The following SDK1 variants were observed in gnomAD, a reference collection of about 807,000 sequenced individuals.
The protein encoded by SDK1 is sidekick cell adhesion molecule 1.
In SDK1, 157 loss-of-function variants were observed where a neutral mutation model predicts 245.5. That is an observed-to-expected ratio of 0.64 (90% CI 0.56 to 0.73). SDK1 has a LOEUF of 0.73. SDK1 is among the 30% of genes least tolerant of loss of function. The pLI is 0.00. For synonymous variants in SDK1, 1,647 were observed against 1,278.5 expected (o/e 1.29, Z -6.15); for missense variants, 3,583 against 3,002.3 (o/e 1.19, Z -4.52).
intron 4 of SDK1, among the ~76,000 whole-genome samples, chr7:3,766,162 A>T (rs1366610829): frequency 6.6e-6 from 1 of 152,188 alleles, no homozygotes; most frequent in Non-Finnish European, 1.5e-5. Flanking sequence ...TTTTTGTGCA[A>T]AATTTGAATA....
intron 4 of SDK1, among the ~76,000 whole-genome samples, chr7:3,789,526 C>G (rs1282093877): frequency 2.6e-5 from 4 of 152,078 alleles, no homozygotes; most frequent in African/African-American, 7.2e-5. Flanking sequence ...TTTAATGGGA[C>G]TTTTTGTGTT....
At chr7:3,555,442 A>C (rs775230626) in intron 1 of SDK1, among the ~76,000 whole-genome samples, 1 of 152,180 alleles carries the variant, frequency 6.6e-6, no homozygotes, top group Non-Finnish European at 1.5e-5. Context: ...TGGATTAAAA[A>C]CTTTAAGATG....
chr7:4,161,409 G>A lies in SDK1; in HGVS notation c.4730-377G>A, dbSNP rs539320073. 1.9e-4 allele frequency among the ~76,000 whole-genome samples: 29 copies of A among 152,154 alleles called. 1 individual carries two copies. In the South Asian group the frequency reaches 6.0e-3, roughly 32 times the overall value. ...TTCAGGAAAAGTAGCTCTCACCTAG[G>A]TATCTTAAAAAAAAGAGAAAAAGAT... On this transcript the variant is annotated intron_variant, in intron 31 of 44. Transcript: ENST00000404826.
intron 1 of SDK1, among the ~76,000 whole-genome samples, chr7:3,589,300 G>A (rs1411895917): frequency 3.3e-5 from 5 of 152,130 alleles, no homozygotes; most frequent in Admixed American, 3.3e-4. Context: ...GTTGGCGTGG[G>A]CCTGTTGACG....
intron 1 of SDK1, among the ~76,000 whole-genome samples, chr7:3,398,344 T>G (rs2128572442): frequency 6.6e-6 from 1 of 152,206 alleles, no homozygotes; most frequent in African/African-American, 2.4e-5. Flanking sequence ...CATTCTATAA[T>G]CTTGTGATAA....
At chr7:3,864,386 AGTT>A (rs1780770606) in intron 5 of SDK1, among the ~76,000 whole-genome samples, 1 of 152,206 alleles carries the variant, frequency 6.6e-6, no homozygotes, top group African/African-American at 2.4e-5. Flanking sequence ...ATATGTTGAT[AGTT>A]GTTGTGGGCA....
At chr7:3,813,921 T>C (rs1384793224) in intron 4 of SDK1, among the ~76,000 whole-genome samples, 1 of 132,768 alleles carries the variant, frequency 7.5e-6, no homozygotes. Context: ...TTTTGAGAAG[T>C]GTCTGTTCAT....
intron 5 of SDK1, among the ~76,000 whole-genome samples, chr7:3,863,013 C>A (rs940152388): frequency 1.3e-5 from 2 of 152,162 alleles, no homozygotes; most frequent in African/African-American, 4.8e-5. Context: ...AGCAGCTCGC[C>A]TCCTGCTGTG....
At chr7:4,230,831 T>C (rs1785714236) in intron 40 of SDK1, among the ~76,000 whole-genome samples, 1 of 152,098 alleles carries the variant, frequency 6.6e-6, no homozygotes. Context: ...GGGGTCAAGG[T>C]TGACCTCAAA....
At chr7:3,639,224 T>C (rs1383348983) in intron 3 of SDK1, 114 bp downstream of exon 3, 2 of 548,634 alleles carry the variant, frequency 3.6e-6, no homozygotes, top group African/African-American at 3.8e-5. Context: ...TGGTTCTATT[T>C]TGAGTAGAAT....
chr7:3,538,772 G>A (rs1294494751), intron 1 of SDK1, among the ~76,000 whole-genome samples: 2 of 152,188 alleles, frequency 1.3e-5, no homozygotes, highest in Non-Finnish European at 2.9e-5. Flanking sequence ...GGGGCAGAAA[G>A]GCCCATTCAG....
intron 22 of SDK1, among the ~76,000 whole-genome samples, chr7:4,081,852 T>G (rs1339995373): frequency 6.6e-6 from 1 of 152,152 alleles, no homozygotes; most frequent in African/African-American, 2.4e-5. Flanking sequence ...ATCCCTGGTT[T>G]TTTATTGGCG....
rs531424366 is a variant in SDK1 at position 4,053,104 on chromosome 7, A to G, written c.2911+1274A>G. On this transcript the variant is annotated intron_variant, in intron 19 of 44. Transcript: ENST00000404826. ...TCTGTCTCAAAAAAAAAAAAAAAAA[A>G]AAAATTAGGAAAATTATTTTTTAAG... 5.3e-5 allele frequency among the ~76,000 whole-genome samples: 8 copies of G among 151,916 alleles called. No individual in the cohort carries two copies. In the East Asian group the frequency reaches 1.2e-3, roughly 22 times the overall value.
intron 17 of SDK1, 106 bp from the exon 18 acceptor site, chr7:4,049,242 A>T: frequency 1.3e-6 from 1 of 766,456 alleles, no homozygotes; most frequent in Non-Finnish European, 2.2e-6. Context: ...TCAGTGCAAT[A>T]ATTGCCTGTG....
At chr7:4,092,506 C>G (rs960928778) in intron 22 of SDK1, among the ~76,000 whole-genome samples, 1 of 152,160 alleles carries the variant, frequency 6.6e-6, no homozygotes, top group Non-Finnish European at 1.5e-5. Flanking sequence ...TATACCTCAC[C>G]CCCTTTGAAT....
chr7:3,831,822 G>A (rs1451827850), intron 5 of SDK1, among the ~76,000 whole-genome samples: 1 of 152,108 alleles, frequency 6.6e-6, no homozygotes, highest in Non-Finnish European at 1.5e-5. Flanking sequence ...TGAGGCAGGA[G>A]CATTGCTCGA....
chr7:3,797,330 G>A (rs1009208328), intron 4 of SDK1, among the ~76,000 whole-genome samples: 5 of 149,746 alleles, frequency 3.3e-5, no homozygotes, highest in African/African-American at 9.9e-5. Flanking sequence ...TTCCCTTTTC[G>A]CTTCTTTCAC....
intron 4 of SDK1, among the ~76,000 whole-genome samples, chr7:3,675,233 A>C (rs1298700720): frequency 1.3e-5 from 2 of 152,198 alleles, no homozygotes; most frequent in African/African-American, 2.4e-5. Flanking sequence ...ACCCATAGCC[A>C]CAGAAAAACC....
chr7:4,033,303 A>C (rs929200119), intron 17 of SDK1, among the ~76,000 whole-genome samples: 1 of 152,234 alleles, frequency 6.6e-6, no homozygotes, highest in African/African-American at 2.4e-5. Context: ...ATATACAAGG[A>C]TACATTCCAA....
Sources: gnomAD v4.1 joint callset for allele counts (sites outside exome capture counted in the v4.1 genomes callset) on GRCh38, gnomAD v4.1.1 for gene constraint, MANE v1.5 for transcripts, NCBI Gene and HGNC (gene_info 2026-07-23, HGNC 2026-07-21) for gene names.